The following LIPC variants were observed in gnomAD, a reference collection of about 807,000 sequenced individuals.
LIPC encodes lipase C, hepatic type.
Under a neutral mutation model 50.7 loss-of-function variants are expected in LIPC, and 44 were observed. That is an observed-to-expected ratio of 0.87 (90% CI 0.68 to 1.11). LIPC has a LOEUF of 1.11. Ranked by LOEUF, LIPC falls within the 50% of genes most tolerant of loss-of-function variation. The pLI is 0.00. For missense variants in LIPC, 697 were observed against 648.2 expected, an observed-to-expected ratio of 1.08 and a Z score of -0.82; for synonymous variants, 271 against 256.4, an observed-to-expected ratio of 1.06 and a Z score of -0.54.
chr15:58,484,836 T>C (rs1359902122), intron 1 of LIPC, among the ~76,000 whole-genome samples: 4 of 152,158 alleles, frequency 2.6e-5, no homozygotes, highest in Admixed American at 2.6e-4. Context: ...GGAAGTGACA[T>C]TTACACTAAA....
chr15:58,476,240 C>T (rs1055933610), intron 1 of LIPC, among the ~76,000 whole-genome samples: 3 of 152,258 alleles, frequency 2.0e-5, no homozygotes, highest in African/African-American at 7.2e-5. Context: ...GTCTCTGGTA[C>T]AGCAGGGTGC....
chr15:58,474,513 G>GAA (rs67354532), intron 1 of LIPC, among the ~76,000 whole-genome samples: 31 of 130,758 alleles, frequency 2.4e-4, no homozygotes, highest in African/African-American at 8.2e-4. Flanking sequence ...CCTGTCTCAG[G>GAA]AAAAAAAAAA....
intron 4 of LIPC, among the ~76,000 whole-genome samples, chr15:58,544,070 G>A (rs1893434408): frequency 6.6e-6 from 1 of 152,104 alleles, no homozygotes; most frequent in Admixed American, 6.5e-5. Context: ...ATGCTTTTTT[G>A]TTCATCTTGC....
At chr15:58,562,521 T>C (rs1447583212) in intron 7 of LIPC, among the ~76,000 whole-genome samples, 2 of 152,218 alleles carry the variant, frequency 1.3e-5, no homozygotes, top group African/African-American at 4.8e-5. Context: ...CCAGCCTCTC[T>C]GGCCTCTCAA....
intron 1 of LIPC, among the ~76,000 whole-genome samples, chr15:58,506,486 G>A (rs139771021): frequency 0.01 from 1,538 of 152,270 alleles, 8 homozygotes; most frequent in Non-Finnish European, 0.015. Context: ...CTGATGAGAA[G>A]GCACAGCAAA....
intron 1 of LIPC, among the ~76,000 whole-genome samples, chr15:58,446,719 G>A (rs1893707543): frequency 6.6e-6 from 1 of 152,152 alleles, no homozygotes; most frequent in Non-Finnish European, 1.5e-5. Flanking sequence ...AGCACCCCAA[G>A]GGCAGTGGCC....
chr15:58,565,758 T>G, intron 8 of LIPC: 1 of 990,594 alleles, frequency 1.0e-6, no homozygotes, highest in Non-Finnish European at 1.2e-6. Flanking sequence ...CTAGCAGAGT[T>G]GCAGTGCTGG....
chr15:58,527,813 A>G (rs1260855184), intron 1 of LIPC, among the ~76,000 whole-genome samples: 1 of 152,200 alleles, frequency 6.6e-6, no homozygotes, highest in Non-Finnish European at 1.5e-5. Flanking sequence ...GAATGAATGA[A>G]TGGGATCAGG....
At chr15:58,527,474 T>C (rs1892829762) in intron 1 of LIPC, among the ~76,000 whole-genome samples, 1 of 152,058 alleles carries the variant, frequency 6.6e-6, no homozygotes, top group Non-Finnish European at 1.5e-5. Context: ...TCATAATCCT[T>C]CCCTCCCATC....
chr15:58,504,740 TC>T (rs1277165239), intron 1 of LIPC, among the ~76,000 whole-genome samples: 2 of 152,178 alleles, frequency 1.3e-5, no homozygotes, highest in African/African-American at 4.8e-5. Context: ...TAAAAGGCCA[TC>T]CTCAAATACT....
intron 2 of LIPC, among the ~76,000 whole-genome samples, chr15:58,539,292 T>A (rs1473483537): frequency 6.6e-6 from 1 of 152,120 alleles, no homozygotes; most frequent in East Asian, 1.9e-4. Flanking sequence ...TATAAAAGAG[T>A]GTTTTTTAGG....
chr15:58,539,799 G>T (rs1183274731), intron 2 of LIPC, among the ~76,000 whole-genome samples: 1 of 151,984 alleles, frequency 6.6e-6, no homozygotes, highest in African/African-American at 2.4e-5. Context: ...CTTGGTCTTG[G>T]CTTAGTCTGT....
intron 1 of LIPC, among the ~76,000 whole-genome samples, chr15:58,519,406 G>T (rs1367480373): frequency 1.5e-5 from 1 of 67,526 alleles, no homozygotes; most frequent in African/African-American, 5.1e-5. Flanking sequence ...GAGAGACTCT[G>T]TCTCAAAAAA....
chr15:58,538,439 A>G lies in LIPC; in HGVS notation c.195A>G (p.Arg65=), dbSNP rs1340157130. 6.2e-7 allele frequency: 1 copy of G among 1,614,204 alleles called. No homozygotes were observed. The highest frequency in any genetic ancestry group is 8.5e-7 in the Non-Finnish European group (1 of 1,180,036). ...AAACCAATCAGGGCTGTCAGATTCGAATCAATCATCCGGACACGTTACAGG... is the reference window on the plus strand; with the variant it reads ...AAACCAATCAGGGCTGTCAGATTCGGATCAATCATCCGGACACGTTACAGG... ...FGETNQGCQI[R]INHPDTLQEC... Residue 65 remains arginine (R), a synonymous_variant, in exon 2 of 9, where the codon CGA becomes CGG. Coordinates refer to ENST00000299022, the MANE Select transcript of LIPC (RefSeq NM_000236.3).
intron 1 of LIPC, chr15:58,473,846 T>TA: frequency 6.6e-6 from 1 of 152,568 alleles, no homozygotes. Flanking sequence ...CTGCCTCCAA[T>TA]AAGATCAAGA....
chr15:58,533,191 T>C, intron 1 of LIPC: 1 of 984,768 alleles, frequency 1.0e-6, no homozygotes, highest in South Asian at 4.7e-5. Context: ...TCAGAAGGTA[T>C]GCTTGGAGAA....
intron 8 of LIPC, chr15:58,566,345 C>G (rs1207448146): frequency 1.0e-6 from 1 of 985,426 alleles, no homozygotes. Context: ...CCAGTGTCAG[C>G]CAGTCCTAAA....
intron 1 of LIPC, among the ~76,000 whole-genome samples, chr15:58,486,015 G>A (rs1204830490): frequency 6.6e-6 from 1 of 152,204 alleles, no homozygotes; most frequent in Non-Finnish European, 1.5e-5. Context: ...GGGTCTCCCT[G>A]TTCTTCCTAG....
chr15:58,511,567 T>C (rs1378622263), intron 1 of LIPC, among the ~76,000 whole-genome samples: 1 of 152,226 alleles, frequency 6.6e-6, no homozygotes, highest in Non-Finnish European at 1.5e-5. Flanking sequence ...AAACCCACTA[T>C]GTCCAGAAGA....
Sources: allele counts gnomAD v4.1 joint callset (sites outside exome capture counted in the v4.1 genomes callset), GRCh38; gene constraint gnomAD v4.1.1; transcripts MANE v1.5; gene names NCBI Gene and HGNC (gene_info 2026-07-23, HGNC 2026-07-21).